Variants in BEST3 observed in about 807,000 individuals in gnomAD.
BEST3 encodes the protein bestrophin 3.
Under a neutral mutation model 47.1 loss-of-function variants are expected in BEST3, and 50 were observed. The ratio of observed to expected loss-of-function variants is 1.06; its 90% CI spans 0.85 to 1.34. The LOEUF (loss-of-function observed/expected upper bound fraction) is 1.34, where lower values mean the gene tolerates loss of function less well. BEST3 is among the 40% of genes most tolerant of loss of function. BEST3 has a pLI of 0.00. For synonymous variants in BEST3, 282 were observed against 298.8 expected, an observed-to-expected ratio of 0.94 and a Z score of 0.58; for missense variants, 765 against 817.0, an observed-to-expected ratio of 0.94 and a Z score of 0.78.
downstream of BEST3, among the ~76,000 whole-genome samples, chr12:69,650,946 T>C (rs1883189847): frequency 1.3e-5 from 2 of 152,164 alleles, no homozygotes; most frequent in South Asian, 4.1e-4. Context: ...GTGTGTGTCT[T>C]AGAAGAAAAG....
rs572863251 is a variant in BEST3, at chr12:69,693,511, C to T, written c.481+163G>A. Among the ~76,000 whole-genome samples, 30 of 152,242 alleles carry T rather than the reference C, an allele frequency of 2.0e-4. No individual in the cohort carries two copies. The East Asian group carries it at 5.4e-3, about 27-fold the overall frequency. On this transcript the variant is annotated intron_variant, in intron 4 of 9. Transcript: ENST00000330891. ...AACTCCTGACCTCAGATGATCCGCC[C>T]GCCTCCACCTTCCAAAGTGCTGGGA... is the stretch of plus-strand genomic sequence containing the variant.
chr12:69,654,542 C>T lies in BEST3; in HGVS notation c.*365G>A, dbSNP rs1883337391. The T allele has an allele frequency of 1.5e-5, 15 of 1,002,880 alleles. No individual in the cohort carries two copies. In the South Asian group the frequency reaches 6.9e-4, roughly 46 times the overall value. 62.1% of individuals were successfully genotyped at this position (1,002,880 alleles called of 1,614,324 possible). A position where few individuals can be genotyped will look rare whatever the true frequency, so the allele number is the denominator to read the frequency against. ...AATAGAGAACCCTGCGTGTCTGGGC[C>T]TTTGGGTCTAGGGGATTGGACTATG... On this transcript the variant is annotated 3_prime_UTR_variant, in exon 10 of 10. Transcript: ENST00000330891.
intron 9 of BEST3, chr12:69,670,548 G>A (rs779487915): frequency 1.4e-5 from 10 of 702,650 alleles, no homozygotes; most frequent in African/African-American, 7.0e-5. Context: ...GGAGACATTC[G>A]GCAAAGGGAA....
intron 9 of BEST3, among the ~76,000 whole-genome samples, chr12:69,665,781 A>G (rs1884173282): frequency 1.3e-5 from 2 of 152,190 alleles, no homozygotes; most frequent in South Asian, 4.1e-4. Flanking sequence ...AGACTTCTCA[A>G]AAACATAGTC....
chr12:69,680,054 C>G (rs940401686), intron 4 of BEST3, among the ~76,000 whole-genome samples: 1 of 152,156 alleles, frequency 6.6e-6, no homozygotes, highest in Non-Finnish European at 1.5e-5. Flanking sequence ...AGATGATGAA[C>G]ATGTGTCAAG....
intron 4 of BEST3, chr12:69,684,421 T>A (rs896466756): frequency 2.1e-6 from 1 of 467,650 alleles, no homozygotes; most frequent in Non-Finnish European, 4.0e-6. Flanking sequence ...CATCCATTGA[T>A]AGACAAAATT....
intron 9 of BEST3, among the ~76,000 whole-genome samples, chr12:69,658,906 C>T (rs710737): frequency 0.73 from 110,623 of 152,034 alleles, 40,462 homozygotes; most frequent in South Asian, 0.85. Context: ...AACTTTATCC[C>T]GGAGACAGAG....
Position 69,671,539 on chromosome 12 carries a change from G to A in BEST3, c.989C>T (p.Pro330Leu), listed in dbSNP as rs184752299. The change falls in exon 9 of 10, where the codon CCC (proline) becomes CTC (leucine). Residue 330 changes from proline to leucine, a missense_variant. Physicochemically the swap from Pro to Leu is moderately conservative, Grantham distance 98. Coordinates refer to ENST00000330891, the MANE Select transcript of BEST3 (RefSeq NM_032735.3). The part of the protein sequence containing the change: ...LAVDEMHMSL[P>L]KMKKDIYWDD... ...CCAGTAAATGTCCTTCTTCATCTTG[G>A]GTAAGCTCATGTGCATTTCGTCCAC... 5.6e-5 allele frequency: 90 copies of A among 1,613,684 alleles called. No individual in the cohort carries two copies. Among genetic ancestry groups the A allele is most frequent in the Non-Finnish European group, 4.2e-6 (5 of 1,179,778 alleles).
chr12:69,662,102 C>T (rs992574884), intron 9 of BEST3, among the ~76,000 whole-genome samples: 2 of 152,100 alleles, frequency 1.3e-5, no homozygotes, highest in African/African-American at 4.8e-5. Flanking sequence ...AACTGATTGC[C>T]CATGGTGACC....
In BEST3 at chr12:69,654,131, G is replaced by A. The variant is rs1365952771; in HGVS notation, c.*776C>T. The A allele has an allele frequency of 7.1e-6, 7 of 985,246 alleles. No homozygotes were observed. Among genetic ancestry groups the A allele is most frequent in the Admixed American group, 6.2e-5 (1 of 16,250 alleles). The allele number at this position is 985,246 out of a possible 1,614,324, so 61.0% of individuals were successfully genotyped here. ...GTTGACACCTTTGATGATTCTGTAG[G>A]AGGCTTTGCCAATGTCTTATATTTT... On this transcript the variant is annotated 3_prime_UTR_variant, in exon 10 of 10. Coordinates refer to ENST00000330891, the MANE Select transcript of BEST3 (RefSeq NM_032735.3).
chr12:69,650,374 A>C (rs568247420), downstream of BEST3, among the ~76,000 whole-genome samples: 2 of 152,370 alleles, frequency 1.3e-5, no homozygotes, highest in South Asian at 4.1e-4. Flanking sequence ...ATTAAGGTCC[A>C]TAGAACTAAA....
chr12:69,684,247 T>C (rs1199034521), intron 4 of BEST3: 3 of 279,606 alleles, frequency 1.1e-5, no homozygotes, highest in Admixed American at 1.0e-4. Context: ...AATTTTCATA[T>C]TGTTTATCCC....
chr12:69,686,493 G>A (rs1885594614), intron 4 of BEST3, among the ~76,000 whole-genome samples: 1 of 152,100 alleles, frequency 6.6e-6, no homozygotes, highest in Non-Finnish European at 1.5e-5. Context: ...AAAATATGCT[G>A]GCTGGGCTCG....
At chr12:69,672,183 T>G (rs1884617973) in intron 8 of BEST3, among the ~76,000 whole-genome samples, 1 of 152,244 alleles carries the variant, frequency 6.6e-6, no homozygotes. Flanking sequence ...CTAGGCATTA[T>G]GCGTCCTCCC....
At chr12:69,657,953 C>T (rs760014311) in intron 9 of BEST3, among the ~76,000 whole-genome samples, 2 of 152,180 alleles carry the variant, frequency 1.3e-5, no homozygotes, top group African/African-American at 2.4e-5. Context: ...AATGCAGACT[C>T]ATGCTTCAGT....
chr12:69,698,166 T>A (rs1474472259), intron 1 of BEST3, among the ~76,000 whole-genome samples: 1 of 152,214 alleles, frequency 6.6e-6, no homozygotes, highest in African/African-American at 2.4e-5. Context: ...TTGGTGGGTT[T>A]GATTGCATGT....
chr12:69,682,194 T>G (rs1338001326), intron 4 of BEST3, among the ~76,000 whole-genome samples: 7 of 152,170 alleles, frequency 4.6e-5, no homozygotes, highest in Non-Finnish European at 7.3e-5. Flanking sequence ...TAAATTTTCC[T>G]GGGTGATTTA....
intron 7 of BEST3, among the ~76,000 whole-genome samples, chr12:69,675,256 A>C (rs1338491525): frequency 6.6e-6 from 1 of 151,984 alleles, no homozygotes; most frequent in Non-Finnish European, 1.5e-5. Context: ...CGTATGTGGG[A>C]CTGCAGGCAT....
In BEST3 at chr12:69,653,972, C is replaced by T. The variant is rs931872033; in HGVS notation, c.*935G>A. The T allele has an allele frequency of 2.0e-6, 2 of 985,302 alleles. No individual in the cohort carries two copies. 61.0% of individuals were successfully genotyped at this position (985,302 alleles called of 1,614,324 possible). On this transcript the variant is annotated 3_prime_UTR_variant, in exon 10 of 10. Transcript: ENST00000330891. Reference sequence around the variant, plus strand: ...TGCAAATTTCATATTCTCTTGGCTTCGTTTTTCTCCAGTGCCCAACACCAA... The same window carrying T: ...TGCAAATTTCATATTCTCTTGGCTTTGTTTTTCTCCAGTGCCCAACACCAA...
Sources: allele counts gnomAD v4.1 joint callset (sites outside exome capture counted in the v4.1 genomes callset), GRCh38; gene constraint gnomAD v4.1.1; transcripts MANE v1.5; gene names NCBI Gene and HGNC (gene_info 2026-07-23, HGNC 2026-07-21).